TMEM132D: variants seen among roughly 807,000 people sequenced by gnomAD.
The protein encoded by TMEM132D is transmembrane protein 132D.
TMEM132D carries 21 observed loss-of-function variants against 62.3 expected under a neutral mutation model. That is an observed-to-expected ratio of 0.34 (90% CI 0.24 to 0.49). The LOEUF is 0.49. Among genes scored for constraint, TMEM132D ranks in the 20% least tolerant of loss-of-function variants. The probability of loss-of-function intolerance (pLI) is 0.99; values close to 1 mark genes in which losing one functional copy is unlikely to be tolerated. For synonymous variants in TMEM132D, 621 were observed against 575.6 expected, an observed-to-expected ratio of 1.08 and a Z score of -1.13; for missense variants, 1,346 against 1,402.8, an observed-to-expected ratio of 0.96 and a Z score of 0.65.
chr12:129,713,846 A>C (rs1318070819), intron 1 of TMEM132D, among the ~76,000 whole-genome samples: 2 of 152,160 alleles, frequency 1.3e-5, no homozygotes, highest in Non-Finnish European at 2.9e-5. Flanking sequence ...GGTGGAACTC[A>C]AGAATTTGCA....
At chr12:129,473,620 T>C (rs1269767973) in intron 3 of TMEM132D, among the ~76,000 whole-genome samples, 2 of 152,204 alleles carry the variant, frequency 1.3e-5, no homozygotes, top group African/African-American at 2.4e-5. Context: ...TGTGAGCCAC[T>C]GCACCTGGCC....
intron 5 of TMEM132D, among the ~76,000 whole-genome samples, chr12:129,102,998 G>C (rs1875364243): frequency 6.6e-6 from 1 of 152,166 alleles, no homozygotes; most frequent in Non-Finnish European, 1.5e-5. Flanking sequence ...AGACACAGGA[G>C]GCATACATAT....
At chr12:129,835,062 A>G (rs1339359524) in intron 1 of TMEM132D, among the ~76,000 whole-genome samples, 1 of 152,200 alleles carries the variant, frequency 6.6e-6, no homozygotes, top group African/African-American at 2.4e-5. Context: ...ACATGCCCAC[A>G]TGGCCATCTG....
At chr12:129,330,296 G>A (rs996311271) in intron 4 of TMEM132D, among the ~76,000 whole-genome samples, 4 of 152,130 alleles carry the variant, frequency 2.6e-5, no homozygotes, top group East Asian at 1.9e-4. Context: ...AATATCACAC[G>A]TCAGGAGGGG....
intron 4 of TMEM132D, among the ~76,000 whole-genome samples, chr12:129,229,435 TGATAGAGTCCTC>T (rs1414503290): frequency 2.6e-5 from 4 of 152,236 alleles, no homozygotes; most frequent in Admixed American, 6.5e-5. Context: ...TTATGTCTGT[TGATAGAGTCCTC>T]TTGATAGCAT....
rs141450022 is a variant in TMEM132D at position 129,443,371 on chromosome 12, T to C, written c.1115+87688A>G. On this transcript the variant is annotated intron_variant, in intron 3 of 8. Transcript: ENST00000422113. ...CATCGCAAGTCTCTAGTATTTGAACTGTTAAGTCCCATTCTGATATCATCA... is the reference window on the plus strand; with the variant it reads ...CATCGCAAGTCTCTAGTATTTGAACCGTTAAGTCCCATTCTGATATCATCA... Among the ~76,000 whole-genome samples, 5 of 152,346 alleles carry C rather than the reference T, an allele frequency of 3.3e-5. No homozygotes were observed. The East Asian group carries it at 9.7e-4, about 29-fold the overall frequency.
chr12:129,798,670 C>T (rs980779426), intron 1 of TMEM132D, among the ~76,000 whole-genome samples: 1 of 151,608 alleles, frequency 6.6e-6, no homozygotes, highest in Non-Finnish European at 1.5e-5. Flanking sequence ...GGGCGAGCAT[C>T]CTTGGGAGGG....
At chr12:129,526,181 C>T (rs1174838474) in intron 3 of TMEM132D, among the ~76,000 whole-genome samples, 2 of 152,158 alleles carry the variant, frequency 1.3e-5, no homozygotes, top group Non-Finnish European at 2.9e-5. Flanking sequence ...TAGTGAGGTA[C>T]TATGCTTTTT....
chr12:129,214,264 G>GTT (rs11387906), intron 4 of TMEM132D, among the ~76,000 whole-genome samples: 2 of 151,586 alleles, frequency 1.3e-5, no homozygotes, highest in African/African-American at 4.9e-5. Context: ...GAATTAGAGT[G>GTT]CTTTTTATTT....
intron 5 of TMEM132D, among the ~76,000 whole-genome samples, chr12:129,125,499 A>ATTTTTTTTTTTTTTTTTTTTTTT (rs1565972138): frequency 7.8e-6 from 1 of 127,834 alleles, no homozygotes. Context: ...AATTACTATG[A>ATTTTTTTTTTTTTTTTTTTTTTT]GTTTTTTTTT....
intron 4 of TMEM132D, chr12:129,210,903 C>G (rs1478142365): frequency 1.3e-5 from 2 of 152,402 alleles, no homozygotes. Flanking sequence ...CTCTGGATCT[C>G]ATGACACCCT....
intron 3 of TMEM132D, among the ~76,000 whole-genome samples, chr12:129,490,041 G>C (rs761291349): frequency 5.9e-5 from 9 of 152,176 alleles, no homozygotes; most frequent in Non-Finnish European, 8.8e-5. Flanking sequence ...TTATTAAAAT[G>C]CTCTGGGCTT....
chr12:129,622,534 GAAA>G (rs1281271857), intron 2 of TMEM132D, among the ~76,000 whole-genome samples: 2 of 152,132 alleles, frequency 1.3e-5, no homozygotes, highest in African/African-American at 4.8e-5. Context: ...TCTACATATA[GAAA>G]AGTCCAGGTC....
At chr12:129,686,154 T>C (rs1593119781) in intron 2 of TMEM132D, among the ~76,000 whole-genome samples, 1 of 152,142 alleles carries the variant, frequency 6.6e-6, no homozygotes, top group African/African-American at 2.4e-5. Flanking sequence ...GACTATGTTT[T>C]GAAGTGAGAG....
chr12:129,660,348 C>T (rs1021629552), intron 2 of TMEM132D, among the ~76,000 whole-genome samples: 4 of 151,990 alleles, frequency 2.6e-5, no homozygotes, highest in African/African-American at 2.4e-5. Context: ...CATGATGCAG[C>T]GTTCTTACCA....
intron 5 of TMEM132D, among the ~76,000 whole-genome samples, chr12:129,132,272 A>G (rs931427651): frequency 6.6e-6 from 1 of 152,210 alleles, no homozygotes; most frequent in Admixed American, 6.5e-5. Context: ...ATTCCTAAAT[A>G]CATAAGGAAG....
At chr12:129,112,144 A>G (rs777525162) in intron 5 of TMEM132D, among the ~76,000 whole-genome samples, 1 of 152,234 alleles carries the variant, frequency 6.6e-6, no homozygotes, top group Non-Finnish European at 1.5e-5. Flanking sequence ...TGCGTAAATC[A>G]GCCAGAGTTG....
At chr12:129,581,389 A>G (rs1483645858) in intron 2 of TMEM132D, among the ~76,000 whole-genome samples, 1 of 152,202 alleles carries the variant, frequency 6.6e-6, no homozygotes, top group Non-Finnish European at 1.5e-5. Context: ...ATTGACTCAT[A>G]TGATCACAAG....
intron 3 of TMEM132D, among the ~76,000 whole-genome samples, chr12:129,385,331 C>T (rs1199012848): frequency 6.6e-6 from 1 of 151,954 alleles, no homozygotes; most frequent in Non-Finnish European, 1.5e-5. Flanking sequence ...GTCTCAAACT[C>T]CTGACCCCAG....
Sources: gnomAD v4.1 joint callset for allele counts (sites outside exome capture counted in the v4.1 genomes callset) on GRCh38, gnomAD v4.1.1 for gene constraint, MANE v1.5 for transcripts, NCBI Gene and HGNC (gene_info 2026-07-23, HGNC 2026-07-21) for gene names.